GPR160: variants seen among roughly 807,000 people sequenced by gnomAD.
The protein encoded by GPR160 is probable G protein-coupled receptor 160.
In GPR160, 2 loss-of-function variants were observed where a neutral mutation model predicts 2.6. The ratio of observed to expected loss-of-function variants is 0.77; its 90% CI spans 0.32 to 2.44. GPR160 has a LOEUF of 2.44. GPR160 is among the 30% of genes most tolerant of loss of function. The pLI, the probability that GPR160 is intolerant of heterozygous loss-of-function variation, is 0.11. For missense variants in GPR160, 351 were observed against 383.6 expected (o/e 0.91, Z 0.71); for synonymous variants, 130 against 132.2 (o/e 0.98, Z 0.12).
intron 2 of GPR160, among the ~76,000 whole-genome samples, chr3:170,074,565 T>A (rs1377966570): frequency 4.0e-5 from 6 of 151,710 alleles, no homozygotes; most frequent in Non-Finnish European, 5.9e-5. Context: ...CACCACAACC[T>A]CCACCTCCTG....
chr3:170,080,398 T>G (rs1408630688), intron 3 of GPR160, among the ~76,000 whole-genome samples: 1 of 152,234 alleles, frequency 6.6e-6, no homozygotes, highest in Non-Finnish European at 1.5e-5. Flanking sequence ...CTTTCGCTTT[T>G]TATTGCCTCA....
intron 2 of GPR160, among the ~76,000 whole-genome samples, chr3:170,045,357 A>G (rs991634521): frequency 2.9e-5 from 4 of 137,694 alleles, no homozygotes; most frequent in Admixed American, 1.6e-4. Flanking sequence ...GAGGTCAGGA[A>G]ATCGAGACCA....
Position 170,084,124 on chromosome 3 carries a change from G to A in GPR160, c.152G>A (p.Cys51Tyr). ...LTLGMRRKNT[C>Y]QNFMEYFCIS... ...CTAGGAATGAGAAGAAAAAACACCTGTCAAAATTTTATGGAATATTTTTGC... is the reference window on the plus strand; with the variant it reads ...CTAGGAATGAGAAGAAAAAACACCTATCAAAATTTTATGGAATATTTTTGC... The change falls in exon 4 of 4, where the codon TGT (cysteine) becomes TAT (tyrosine). Residue 51 changes from cysteine to tyrosine, a missense_variant. Physicochemically the swap from Cys to Tyr is radical, Grantham distance 194. Transcript: ENST00000355897. 6.3e-7 allele frequency: 1 copy of A among 1,594,528 alleles called. No homozygotes were observed.
At chr3:170,061,984 A>C (rs2108327809) in intron 2 of GPR160, among the ~76,000 whole-genome samples, 1 of 152,086 alleles carries the variant, frequency 6.6e-6, no homozygotes, top group South Asian at 2.1e-4. Context: ...CCCCATCTCT[A>C]TGATTTTAAA....
intron 2 of GPR160, among the ~76,000 whole-genome samples, chr3:170,055,639 C>CA (rs1226735149): frequency 6.7e-6 from 1 of 148,954 alleles, no homozygotes; most frequent in African/African-American, 2.5e-5. Flanking sequence ...CTTTTAAAAA[C>CA]TTTTTTTTTT....
chr3:170,077,688 A>T (rs2108346147), intron 2 of GPR160: 1 of 152,376 alleles, frequency 6.6e-6, no homozygotes, highest in East Asian at 1.9e-4. Context: ...TGTTTGCTCC[A>T]GGCTTTCGGC....
At chr3:170,079,716 T>G (rs1713033320) in intron 2 of GPR160, 58 bp from the exon 3 acceptor site, 1 of 152,258 alleles carries the variant, frequency 6.6e-6, no homozygotes. Flanking sequence ...TTAACTGGAC[T>G]CTTGCTATTA....
chr3:170,039,743 C>T (rs1450089085), intron 2 of GPR160, among the ~76,000 whole-genome samples: 2 of 152,118 alleles, frequency 1.3e-5, no homozygotes, highest in Non-Finnish European at 2.9e-5. Flanking sequence ...CGATGAAGGA[C>T]ATTTCTACTG....
At chr3:170,063,315 C>G (rs1559987405) in intron 2 of GPR160, 1 of 151,960 alleles carries the variant, frequency 6.6e-6, no homozygotes. Flanking sequence ...GGGTGGATCA[C>G]TTGAGGTCAG....
chr3:170,076,093 A>AAT (rs1712835486), intron 2 of GPR160, among the ~76,000 whole-genome samples: 1 of 152,188 alleles, frequency 6.6e-6, no homozygotes, highest in South Asian at 2.1e-4. Context: ...AATATATACA[A>AAT]ATAACTGGTT....
chr3:170,075,835 T>G (rs993995234), intron 2 of GPR160, among the ~76,000 whole-genome samples: 1 of 152,226 alleles, frequency 6.6e-6, no homozygotes, highest in African/African-American at 2.4e-5. Flanking sequence ...AACCTCTGCT[T>G]GCTGTCTTCT....
At chr3:170,047,786 C>T (rs140343741) in intron 2 of GPR160, among the ~76,000 whole-genome samples, 15 of 149,764 alleles carry the variant, frequency 1.0e-4, no homozygotes, top group African/African-American at 3.4e-4. Context: ...ATAAAAAGAA[C>T]AAAATAATGT....
At chr3:170,059,864 A>G (rs1711849773) in intron 2 of GPR160, among the ~76,000 whole-genome samples, 1 of 151,982 alleles carries the variant, frequency 6.6e-6, no homozygotes, top group East Asian at 1.9e-4. Context: ...AGCAGGCCCA[A>G]GTGTGTGGTG....
chr3:170,045,317 C>A (rs1716660820), intron 2 of GPR160, among the ~76,000 whole-genome samples: 1 of 144,366 alleles, frequency 6.9e-6, no homozygotes, highest in South Asian at 2.2e-4. Flanking sequence ...GTAATCCCAG[C>A]ACTTTGGGAG....
At chr3:170,082,763 T>A (rs1713198451) in intron 3 of GPR160, among the ~76,000 whole-genome samples, 2 of 131,904 alleles carry the variant, frequency 1.5e-5, no homozygotes, top group Non-Finnish European at 3.2e-5. Flanking sequence ...GCCCAGGTAA[T>A]TTTTTTTTTT....
chr3:170,064,967 T>C (rs867819761), intron 2 of GPR160, among the ~76,000 whole-genome samples: 1 of 152,126 alleles, frequency 6.6e-6, no homozygotes, highest in Non-Finnish European at 1.5e-5. Context: ...CTCACAACGG[T>C]GCTACCTAAG....
intron 2 of GPR160, among the ~76,000 whole-genome samples, chr3:170,070,483 G>A (rs1712537326): frequency 6.6e-6 from 1 of 152,144 alleles, no homozygotes; most frequent in South Asian, 2.1e-4. Context: ...GTACATCAGA[G>A]GTGGCAAATT....
chr3:170,060,098 C>T (rs1325590996), intron 2 of GPR160, among the ~76,000 whole-genome samples: 2 of 151,658 alleles, frequency 1.3e-5, no homozygotes, highest in Non-Finnish European at 2.9e-5. Flanking sequence ...AGAAGTACAA[C>T]GTGCCAAAGC....
intron 2 of GPR160, among the ~76,000 whole-genome samples, chr3:170,066,087 A>G (rs1360370654): frequency 7.8e-6 from 1 of 128,310 alleles, no homozygotes; most frequent in African/African-American, 3.1e-5. Flanking sequence ...GGGTTTCTTC[A>G]TGTATATATA....
Sources: gnomAD v4.1 joint callset for allele counts (sites outside exome capture counted in the v4.1 genomes callset) on GRCh38, gnomAD v4.1.1 for gene constraint, MANE v1.5 for transcripts, NCBI Gene and HGNC (gene_info 2026-07-23, HGNC 2026-07-21) for gene names.